ERBB4: variants seen among roughly 807,000 people sequenced by gnomAD.
ERBB4 encodes the protein receptor tyrosine-protein kinase erbB-4.
In ERBB4, 42 loss-of-function variants were observed where a neutral mutation model predicts 158.0. The observed-to-expected ratio is 0.27, with a 90% CI of 0.21 to 0.34. ERBB4 has a LOEUF of 0.34. Among genes scored for constraint, ERBB4 ranks in the 10% least tolerant of loss-of-function variants. The pLI, the probability that ERBB4 is intolerant of heterozygous loss-of-function variation, is 1.00. For synonymous variants in ERBB4, 583 were observed against 558.7 expected (o/e 1.04, Z -0.61); for missense variants, 1,333 against 1,624.1 (o/e 0.82, Z 3.08).
chr2:212,030,264 A>T (rs1559350525), intron 2 of ERBB4, among the ~76,000 whole-genome samples: 1 of 152,034 alleles, frequency 6.6e-6, no homozygotes, highest in Non-Finnish European at 1.5e-5. Context: ...CACTACCTTT[A>T]TCCAGGCTTC....
intron 3 of ERBB4, among the ~76,000 whole-genome samples, chr2:211,843,241 A>C (rs1156943862): frequency 6.6e-6 from 1 of 152,166 alleles, no homozygotes; most frequent in African/African-American, 2.4e-5. Context: ...TCTCCTAGAA[A>C]TTGTAGATGT....
At chr2:211,655,385 G>A (rs1307564792) in intron 16 of ERBB4, among the ~76,000 whole-genome samples, 1 of 152,104 alleles carries the variant, frequency 6.6e-6, no homozygotes, top group Non-Finnish European at 1.5e-5. Flanking sequence ...TGATTTCTAA[G>A]CCAGGCACTG....
At chr2:212,286,596 T>TG (rs200822862) in intron 1 of ERBB4, among the ~76,000 whole-genome samples, 41,530 of 90,698 alleles carry the variant, frequency 0.46, 9,338 homozygotes, top group East Asian at 0.67. Flanking sequence ...AGTGCTGACT[T>TG]TTTTTTTTTT....
chr2:211,638,448 A>G (rs1178412281), intron 16 of ERBB4, among the ~76,000 whole-genome samples: 1 of 152,142 alleles, frequency 6.6e-6, no homozygotes, highest in East Asian at 1.9e-4. Context: ...TAAACATGAC[A>G]CATCTTTTCT....
At chr2:211,436,511 T>C (rs978694200) in intron 20 of ERBB4, among the ~76,000 whole-genome samples, 1 of 152,188 alleles carries the variant, frequency 6.6e-6, no homozygotes, top group African/African-American at 2.4e-5. Flanking sequence ...TGTTGTGAGG[T>C]AAATTAGCAT....
At chr2:211,900,703 T>C (rs1462685490) in intron 3 of ERBB4, among the ~76,000 whole-genome samples, 1 of 152,152 alleles carries the variant, frequency 6.6e-6, no homozygotes, top group Non-Finnish European at 1.5e-5. Flanking sequence ...ATACAGGACA[T>C]GGACTCAAGG....
intron 2 of ERBB4, among the ~76,000 whole-genome samples, chr2:211,963,172 G>A (rs529285686): frequency 6.6e-6 from 1 of 152,072 alleles, no homozygotes; most frequent in Non-Finnish European, 1.5e-5. Context: ...ATCTGGCAAT[G>A]TCTGGAGATA....
intron 15 of ERBB4, among the ~76,000 whole-genome samples, chr2:211,659,396 T>C (rs1020008514): frequency 6.6e-6 from 1 of 152,058 alleles, no homozygotes; most frequent in African/African-American, 2.4e-5. Context: ...CAAAATCATT[T>C]CTAAAAATGG....
intron 1 of ERBB4, among the ~76,000 whole-genome samples, chr2:212,167,640 C>T (rs1019416239): frequency 9.2e-5 from 14 of 151,972 alleles, no homozygotes; most frequent in African/African-American, 2.7e-4. Flanking sequence ...TGCATGCATG[C>T]GTATGTTTAC....
At chr2:211,530,714 C>A (rs542133382) in intron 20 of ERBB4, among the ~76,000 whole-genome samples, 48 of 152,026 alleles carry the variant, frequency 3.2e-4, no homozygotes, top group African/African-American at 1.1e-3. Flanking sequence ...ATAGTGAAAC[C>A]CTATTTCTAC....
intron 4 of ERBB4, among the ~76,000 whole-genome samples, chr2:211,781,133 A>T (rs2106300827): frequency 6.6e-6 from 1 of 152,354 alleles, no homozygotes; most frequent in South Asian, 2.1e-4. Flanking sequence ...ATATAGAAGG[A>T]GTAACACAAG....
At chr2:211,795,166 A>C (rs1268948858) in intron 3 of ERBB4, among the ~76,000 whole-genome samples, 1 of 151,886 alleles carries the variant, frequency 6.6e-6, no homozygotes, top group African/African-American at 2.4e-5. Context: ...AGGTAGGTGG[A>C]GAGAGACAGG....
intron 1 of ERBB4, among the ~76,000 whole-genome samples, chr2:212,519,023 C>G (rs1342446521): frequency 1.3e-5 from 2 of 151,964 alleles, no homozygotes; most frequent in Non-Finnish European, 2.9e-5. Flanking sequence ...ATTACTAATG[C>G]CATCCTGTGT....
At chr2:211,909,994 A>T (rs907124449) in intron 3 of ERBB4, among the ~76,000 whole-genome samples, 2 of 151,614 alleles carry the variant, frequency 1.3e-5, no homozygotes, top group Non-Finnish European at 2.9e-5. Flanking sequence ...ATCTCGGCTC[A>T]CTGCAACCTC....
intron 2 of ERBB4, among the ~76,000 whole-genome samples, chr2:212,109,052 T>G (rs541596417): frequency 6.6e-6 from 1 of 152,220 alleles, no homozygotes; most frequent in South Asian, 2.1e-4. Flanking sequence ...CTGCAGAATG[T>G]TGGTAATAAT....
intron 19 of ERBB4, among the ~76,000 whole-genome samples, chr2:211,580,796 ATAT>A (rs2068046710): frequency 1.5e-5 from 1 of 65,862 alleles, no homozygotes; most frequent in Middle Eastern, 5.8e-3. Flanking sequence ...TGATATATAT[ATAT>A]ATATATATAT....
At chr2:211,429,099 C>T (rs2063697151) in intron 21 of ERBB4, among the ~76,000 whole-genome samples, 3 of 151,986 alleles carry the variant, frequency 2.0e-5, no homozygotes, top group Admixed American at 6.6e-5. Flanking sequence ...TCTTAATTAA[C>T]ATTCAGTAAT....
chr2:211,442,627 TAC>T (rs35705373), intron 20 of ERBB4, among the ~76,000 whole-genome samples: 20,351 of 151,244 alleles, frequency 0.13, 1,655 homozygotes, highest in South Asian at 0.35. Context: ...TATGTGTGTA[TAC>T]ACACACACAC....
chr2:212,289,300 CA>C (rs1559935645), intron 1 of ERBB4, among the ~76,000 whole-genome samples: 1 of 152,036 alleles, frequency 6.6e-6, no homozygotes, highest in Admixed American at 6.6e-5. Context: ...TCTTTTTAAG[CA>C]GAGAACTCCT....
Sources: allele counts gnomAD v4.1 joint callset (sites outside exome capture counted in the v4.1 genomes callset), GRCh38; gene constraint gnomAD v4.1.1; transcripts MANE v1.5; gene names NCBI Gene and HGNC (gene_info 2026-07-23, HGNC 2026-07-21).